Variants in OLFML2B observed in about 807,000 individuals in gnomAD.
OLFML2B encodes the protein olfactomedin-like protein 2B.
Under a neutral mutation model 74.9 loss-of-function variants are expected in OLFML2B, and 57 were observed. That is an observed-to-expected ratio of 0.76 (90% CI 0.61 to 0.95). The LOEUF is 0.95. OLFML2B is among the 40% of genes least tolerant of loss of function. The probability of loss-of-function intolerance (pLI) is 0.00; values close to 1 mark genes in which losing one functional copy is unlikely to be tolerated. For synonymous variants in OLFML2B, 388 were observed against 405.8 expected (o/e 0.96, Z 0.53); for missense variants, 986 against 970.6 (o/e 1.02, Z -0.21).
At chr1:161,992,414 T>C (rs192068421) in intron 6 of OLFML2B, among the ~76,000 whole-genome samples, 1 of 152,270 alleles carries the variant, frequency 6.6e-6, no homozygotes, top group Non-Finnish European at 1.5e-5. Flanking sequence ...TTATCATTCA[T>C]GTGTTTACTG....
chr1:162,010,619 G>A (rs547325269), intron 3 of OLFML2B, among the ~76,000 whole-genome samples: 1 of 152,262 alleles, frequency 6.6e-6, no homozygotes, highest in South Asian at 2.1e-4. Flanking sequence ...GTGTGCGTGT[G>A]CCCGGGTGAG....
At chr1:161,997,266 TC>T (rs1689937540) in intron 6 of OLFML2B, among the ~76,000 whole-genome samples, 1 of 152,170 alleles carries the variant, frequency 6.6e-6, no homozygotes, top group South Asian at 2.1e-4. Context: ...AAGCTAATAT[TC>T]CTTCTTTCTT....
At chr1:162,022,633 C>T (rs1364785181) in intron 1 of OLFML2B, among the ~76,000 whole-genome samples, 1 of 152,156 alleles carries the variant, frequency 6.6e-6, no homozygotes. Context: ...AGTTTAAGTA[C>T]TTGGTAAACG....
At chr1:161,990,896 C>G (rs1689721623) in intron 6 of OLFML2B, among the ~76,000 whole-genome samples, 1 of 152,198 alleles carries the variant, frequency 6.6e-6, no homozygotes, top group Non-Finnish European at 1.5e-5. Flanking sequence ...CAACAGTGAT[C>G]ACACTGTCTT....
intron 7 of OLFML2B, 144 bp downstream of exon 7, chr1:161,984,659 GC>G: frequency 1.2e-6 from 1 of 840,508 alleles, no homozygotes; most frequent in South Asian, 1.7e-5. Context: ...AAGGGGGACC[GC>G]TCTCCAAGGA....
rs1690797453 is a variant in OLFML2B, at chr1:162,023,592, C to T, written c.-162G>A. On this transcript the variant is annotated 5_prime_UTR_variant, in exon 1 of 8. Coordinates refer to ENST00000294794, the MANE Select transcript of OLFML2B (RefSeq NM_015441.3). ...GGCTGAGCGGGACGGGAGGGTGCGC[C>T]CCAGAGACTCTGGGCATCTCCTTCC... 1.7e-6 allele frequency: 1 copy of T among 582,000 alleles called. No individual in the cohort carries two copies. Among genetic ancestry groups the T allele is most frequent in the Non-Finnish European group, 2.7e-6 (1 of 370,080 alleles). The allele number at this position is 582,000 out of a possible 1,614,324, so 36.1% of individuals were successfully genotyped here.
At chr1:162,019,866 T>C (rs1206900192) in intron 2 of OLFML2B, 53 bp downstream of exon 2, 16 of 1,590,404 alleles carry the variant, frequency 1.0e-5, no homozygotes, top group Non-Finnish European at 1.4e-5. Flanking sequence ...ACCAGACTTG[T>C]GGATCTCAAA....
At position 161,984,110 on chromosome 1, in the gene OLFML2B, G is replaced by A. The variant is rs150136008; in HGVS notation, c.1818C>T (p.Tyr606=). The A allele has an allele frequency of 1.3e-4, 213 of 1,611,278 alleles. 1 individual carries two copies. The East Asian group carries it at 2.9e-3, about 22-fold the overall frequency. Residue 606 remains tyrosine, a synonymous_variant, in exon 8 of 8, where the codon TAC becomes TAT. Transcript: ENST00000294794. ...AAWAMLHDVA[Y]EEATPWRWQG... The stretch of plus-strand genomic sequence containing the variant: ...GCCATCGCCAGGGGGTGGCCTCCTC[G>A]TAGGCCACGTCATGCAGCATGGCCC...
intron 6 of OLFML2B, among the ~76,000 whole-genome samples, chr1:161,990,856 T>G (rs1213183457): frequency 6.6e-6 from 1 of 152,250 alleles, no homozygotes; most frequent in Non-Finnish European, 1.5e-5. Context: ...ACTAAGTTTA[T>G]GTAATATTCA....
chr1:162,014,710 G>C, intron 3 of OLFML2B, among the ~76,000 whole-genome samples: 1 of 152,302 alleles, frequency 6.6e-6, no homozygotes, highest in Admixed American at 6.5e-5. Context: ...CAAATACAGT[G>C]CTCCACTATT....
At position 161,984,063 on chromosome 1, in the gene OLFML2B, A is replaced by G; in HGVS notation, c.1865T>C (p.Phe622Ser). The G allele has an allele frequency of 3.1e-6, 5 of 1,614,170 alleles. No homozygotes were observed. Among genetic ancestry groups the G allele is most frequent in the South Asian group, 1.1e-5 (1 of 91,082 alleles). ...CCATAGGCCATTCTCGTCCACAGCA[A>G]AGTCCACGTCTGAGTGGCCCTGCCA... ...WRWQGHSDVDFAVDENGLWLI... is the reference protein window; with the variant it reads ...WRWQGHSDVDSAVDENGLWLI... Residue 622 changes from phenylalanine (F) to serine (S), a missense_variant, in exon 8 of 8, where the codon TTT (phenylalanine) becomes TCT (serine). Coordinates refer to ENST00000294794, the MANE Select transcript of OLFML2B (RefSeq NM_015441.3).
At chr1:162,005,290 A>G (rs929552787) in intron 4 of OLFML2B, among the ~76,000 whole-genome samples, 7 of 152,228 alleles carry the variant, frequency 4.6e-5, no homozygotes, top group African/African-American at 1.7e-4. Flanking sequence ...ATTAGGCAGC[A>G]ATCCATTCAT....
At chr1:161,995,501 A>C (rs1469049841) in intron 6 of OLFML2B, among the ~76,000 whole-genome samples, 1 of 152,234 alleles carries the variant, frequency 6.6e-6, no homozygotes, top group South Asian at 2.1e-4. Context: ...CAGCATCTCA[A>C]TTAGGCTACT....
intron 4 of OLFML2B, among the ~76,000 whole-genome samples, chr1:162,004,192 G>C (rs574892017): frequency 2.6e-5 from 4 of 152,166 alleles, no homozygotes; most frequent in African/African-American, 9.7e-5. Context: ...CCGATGCCAG[G>C]TGGGCTGAAA....
chr1:161,989,714 G>A (rs1221089797), intron 6 of OLFML2B, among the ~76,000 whole-genome samples: 1 of 152,214 alleles, frequency 6.6e-6, no homozygotes, highest in African/African-American at 2.4e-5. Flanking sequence ...AGTGCAGCCT[G>A]TTTGTGAGCA....
intron 7 of OLFML2B, 115 bp from the exon 8 acceptor site, chr1:161,984,391 G>T: frequency 7.3e-7 from 1 of 1,378,818 alleles, no homozygotes; most frequent in Non-Finnish European, 9.7e-7. Flanking sequence ...TTTGTGTCTT[G>T]GCTCTGCCAC....
intron 1 of OLFML2B, among the ~76,000 whole-genome samples, chr1:162,022,940 A>G (rs1690767601): frequency 6.6e-6 from 1 of 152,204 alleles, no homozygotes; most frequent in Non-Finnish European, 1.5e-5. Context: ...AGACAGCCAC[A>G]TAGACAAGAG....
At chr1:162,022,199 G>T (rs12068305) in intron 1 of OLFML2B, among the ~76,000 whole-genome samples, 4,508 of 150,670 alleles carry the variant, frequency 0.03, 253 homozygotes, top group African/African-American at 0.11. Context: ...CATGAGATCT[G>T]GGCTGAAGAC....
intron 5 of OLFML2B, 112 bp from the exon 6 acceptor site, chr1:161,998,461 G>T (rs983923176): frequency 4.9e-5 from 59 of 1,207,322 alleles, no homozygotes; most frequent in Non-Finnish European, 6.2e-5. Context: ...TTAACACGAC[G>T]GCTTGAGTTA....
Sources: allele counts gnomAD v4.1 joint callset (sites outside exome capture counted in the v4.1 genomes callset), GRCh38; gene constraint gnomAD v4.1.1; transcripts MANE v1.5; gene names NCBI Gene and HGNC (gene_info 2026-07-23, HGNC 2026-07-21).